The following RCAN3 variants were observed in gnomAD, a reference collection of about 807,000 sequenced individuals.
RCAN3 encodes calcipressin-3.
In RCAN3, 19 loss-of-function variants were observed where a neutral mutation model predicts 21.9. The ratio of observed to expected loss-of-function variants is 0.87; its 90% CI spans 0.61 to 1.27. RCAN3 has a LOEUF of 1.27. Ranked by LOEUF, RCAN3 falls within the 50% of genes most tolerant of loss-of-function variation. The pLI is 0.00. For missense variants in RCAN3, 240 were observed against 300.1 expected, an observed-to-expected ratio of 0.80 and a Z score of 1.48; for synonymous variants, 114 against 112.3, an observed-to-expected ratio of 1.01 and a Z score of -0.09.
intron 2 of RCAN3, among the ~76,000 whole-genome samples, chr1:24,529,551 T>TC (rs1194553415): frequency 4.3e-3 from 129 of 30,040 alleles, no homozygotes; most frequent in East Asian, 8.9e-3. Flanking sequence ...TCTGTCTCTC[T>TC]TTTTTTTTTT....
intron 2 of RCAN3, among the ~76,000 whole-genome samples, chr1:24,519,216 T>TTTG (rs1047847320): frequency 2.7e-4 from 11 of 40,836 alleles, no homozygotes; most frequent in Admixed American, 4.2e-4. Flanking sequence ...TGGCCTGATG[T>TTTG]TTTTTTTTTT....
chr1:24,533,164 G>T lies in RCAN3; in HGVS notation c.451G>T (p.Ala151Ser). ...CAAGCAGTTCCTCATCTCCCCTCCA[G>T]CCTCTCCCCCGGTGGGGTGGAAGCA... Reference protein sequence around the residue: ...PVKQFLISPPASPPVGWKQSE... With the variant: ...PVKQFLISPPSSPPVGWKQSE... Residue 151 changes from alanine (A) to serine (S), a missense_variant, in exon 4 of 5, where the codon GCC becomes TCC. By Grantham distance (99) the Ala-to-Ser change is moderately conservative. Transcript: ENST00000374395. 6.2e-7 allele frequency: 1 copy of T among 1,606,146 alleles called. No individual in the cohort carries two copies. The highest frequency in any genetic ancestry group is 8.5e-7 in the Non-Finnish European group (1 of 1,177,440).
Position 24,525,002 on chromosome 1 carries a change from T to A in RCAN3, c.196-6216T>A, listed in dbSNP as rs1649151103. ...AATAGAAGTGGTGGGCTCCTCATTT[T>A]TTTTTCAGTCCAAAGCAAAGGTGTG... On this transcript the variant is annotated intron_variant, in intron 2 of 4. Coordinates refer to ENST00000374395, the MANE Select transcript of RCAN3 (RefSeq NM_013441.4). This position sits in a 1 kb window ranked among gnomAD's most constrained non-coding sequence, Gnocchi z 4.1. 6.6e-6 allele frequency among the ~76,000 whole-genome samples: 1 copy of A among 152,002 alleles called. No individual in the cohort carries two copies. The highest frequency in any genetic ancestry group is 2.4e-5 in the African/African-American group (1 of 41,382).
At chr1:24,522,202 C>T (rs1455092737) in intron 2 of RCAN3, among the ~76,000 whole-genome samples, 1 of 151,986 alleles carries the variant, frequency 6.6e-6, no homozygotes, top group African/African-American at 2.4e-5. Context: ...CATGTGTGTG[C>T]GGTATGTATG....
At chr1:24,528,254 G>GAAAAAAAAAAAAAAAA (rs57400823) in intron 2 of RCAN3, among the ~76,000 whole-genome samples, 1 of 122,100 alleles carries the variant, frequency 8.2e-6, no homozygotes, top group Admixed American at 8.4e-5. Context: ...TGGAAAAAAA[G>GAAAAAAAAAAAAAAAA]AAAAAAAAAA....
At chr1:24,511,276 G>A (rs1382010210) in intron 1 of RCAN3, among the ~76,000 whole-genome samples, 2 of 152,142 alleles carry the variant, frequency 1.3e-5, no homozygotes, top group Non-Finnish European at 2.9e-5. Context: ...TAGCACCACT[G>A]CACTCCAGCC....
At chr1:24,513,071 A>C (rs1396082196) in intron 1 of RCAN3, among the ~76,000 whole-genome samples, 1 of 152,034 alleles carries the variant, frequency 6.6e-6, no homozygotes, top group East Asian at 1.9e-4. Context: ...CCCCATCTCT[A>C]CTAAAAATAC....
chr1:24,533,732 A>G (rs139364752), intron 4 of RCAN3, among the ~76,000 whole-genome samples: 12,130 of 152,176 alleles, frequency 0.08, 1,120 homozygotes, highest in African/African-American at 0.23. Flanking sequence ...CCCAAGAGGC[A>G]GAGGATGCAG....
intron 1 of RCAN3, among the ~76,000 whole-genome samples, chr1:24,512,675 A>G (rs1647983437): frequency 6.6e-6 from 1 of 152,226 alleles, no homozygotes; most frequent in Admixed American, 6.5e-5. Flanking sequence ...TTTGAAATAA[A>G]AGGGAAAAAT....
chr1:24,503,348 C>A (rs1647226444), intron 1 of RCAN3, among the ~76,000 whole-genome samples, 198 bp downstream of exon 1: 1 of 152,008 alleles, frequency 6.6e-6, no homozygotes, highest in African/African-American at 2.4e-5. Context: ...ACCCTTCTCG[C>A]GCGCGGGGTC....
At chr1:24,521,829 C>T (rs1233413661) in intron 2 of RCAN3, among the ~76,000 whole-genome samples, 1 of 142,166 alleles carries the variant, frequency 7.0e-6, no homozygotes, top group East Asian at 2.1e-4. Flanking sequence ...GCCTGGGTGA[C>T]AAAGTGAGAT....
intron 1 of RCAN3, 26 bp from the exon 2 acceptor site, chr1:24,514,288 C>G (rs1648116910): frequency 8.1e-7 from 1 of 1,239,142 alleles, no homozygotes; most frequent in African/African-American, 1.5e-5. Context: ...GGAGTTTTAC[C>G]TCTGCATTTT....
At chr1:24,518,983 C>T (rs1324973593) in intron 2 of RCAN3, among the ~76,000 whole-genome samples, 2 of 152,030 alleles carry the variant, frequency 1.3e-5, no homozygotes, top group African/African-American at 2.4e-5. Context: ...ACCCTGTTGG[C>T]CAGGCTGGTA....
intron 1 of RCAN3, among the ~76,000 whole-genome samples, chr1:24,513,890 A>G (rs1648086201): frequency 6.6e-6 from 1 of 152,208 alleles, no homozygotes; most frequent in African/African-American, 2.4e-5. Context: ...ACAGATGGTG[A>G]GAGAATTAGT....
intron 2 of RCAN3, among the ~76,000 whole-genome samples, chr1:24,515,884 C>G (rs1471758247): frequency 6.6e-6 from 1 of 152,158 alleles, no homozygotes; most frequent in Non-Finnish European, 1.5e-5. Context: ...GTGGCTCATG[C>G]TTGTAGTCCC....
intron 1 of RCAN3, among the ~76,000 whole-genome samples, chr1:24,511,333 C>CA (rs1167711869): frequency 6.6e-6 from 1 of 151,904 alleles, no homozygotes; most frequent in Non-Finnish European, 1.5e-5. Flanking sequence ...CAAAACAAAA[C>CA]AAAAAAACAA....
Position 24,531,340 on chromosome 1 carries a change from A to T in RCAN3, c.318A>T (p.Glu106Asp). The change falls in exon 3 of 5, where the codon GAA (glutamate) becomes GAT (aspartate). Residue 106 changes from glutamate (E) to aspartate (D), a missense_variant. Coordinates refer to ENST00000374395, the MANE Select transcript of RCAN3 (RefSeq NM_013441.4). Reference protein sequence around the residue: ...KPEAAARARIELHETDFNGQK... With the variant: ...KPEAAARARIDLHETDFNGQK... ...AAGCGGCAGCAAGAGCGCGAATAGA[A>T]CTCCACGAAACAGACTTCAATGGGC... 6.2e-7 allele frequency: 1 copy of T among 1,613,640 alleles called. No homozygotes were observed. The highest frequency in any genetic ancestry group is 8.5e-7 in the Non-Finnish European group (1 of 1,179,818).
intron 2 of RCAN3, among the ~76,000 whole-genome samples, chr1:24,520,835 TAATAAAATAAA>T (rs950605004): frequency 1.3e-4 from 20 of 151,826 alleles, no homozygotes; most frequent in African/African-American, 3.4e-4. Context: ...AGTATAATAA[TAATAAAATAAA>T]AATAAAATAA....
In RCAN3 at chr1:24,535,966, TG is replaced by T. The variant is rs1321615837; in HGVS notation, c.*691del. 1 of 152,142 alleles carries T rather than the reference TG, an allele frequency of 6.6e-6. No individual in the cohort carries two copies. Among genetic ancestry groups the T allele is most frequent in the Non-Finnish European group, 1.5e-5 (1 of 68,036 alleles). The allele number at this position is 152,142 out of a possible 1,614,324, so 9.4% of individuals were successfully genotyped here. A position where few individuals can be genotyped will look rare whatever the true frequency, so the allele number is the denominator to read the frequency against. ...AATGCACAGGCCCTCATTCCTGATG[TG>T]GCGCCCTCCAGACATGGCTGCCCAG... On this transcript the variant is annotated 3_prime_UTR_variant, in exon 5 of 5. Coordinates refer to ENST00000374395, the MANE Select transcript of RCAN3 (RefSeq NM_013441.4).
Sources: allele counts gnomAD v4.1 joint callset (sites outside exome capture counted in the v4.1 genomes callset), GRCh38; gene constraint gnomAD v4.1.1; non-coding constraint Gnocchi (gnomAD v3.1); transcripts MANE v1.5; gene names NCBI Gene and HGNC (gene_info 2026-07-23, HGNC 2026-07-21).